The following RAB3GAP2 variants were observed in gnomAD, a reference collection of about 807,000 sequenced individuals.
RAB3GAP2 encodes the protein rab3 GTPase-activating protein non-catalytic subunit.
RAB3GAP2 carries 87 observed loss-of-function variants against 185.3 expected under a neutral mutation model. That is an observed-to-expected ratio of 0.47 (90% CI 0.39 to 0.56). The LOEUF (loss-of-function observed/expected upper bound fraction) is 0.56, where lower values mean the gene tolerates loss of function less well. Among genes scored for constraint, RAB3GAP2 ranks in the 20% least tolerant of loss-of-function variants. RAB3GAP2 has a pLI of 0.00. For synonymous variants in RAB3GAP2, 554 were observed against 576.1 expected, an observed-to-expected ratio of 0.96 and a Z score of 0.55; for missense variants, 1,492 against 1,638.2, an observed-to-expected ratio of 0.91 and a Z score of 1.54.
intron 24 of RAB3GAP2, among the ~76,000 whole-genome samples, chr1:220,168,482 C>T (rs1658113239): frequency 6.6e-6 from 1 of 151,964 alleles, no homozygotes. Flanking sequence ...ACTGCACCCT[C>T]TGCCTCCCAG....
intron 1 of RAB3GAP2, among the ~76,000 whole-genome samples, chr1:220,239,062 A>C (rs1305531093): frequency 6.6e-6 from 1 of 152,244 alleles, no homozygotes; most frequent in Non-Finnish European, 1.5e-5. Context: ...CCATAAAAGC[A>C]GCTGTATTTA....
In RAB3GAP2 at chr1:220,157,416, G is replaced by A. The variant is rs1657877245; in HGVS notation, c.3409C>T (p.Pro1137Ser). The change falls in exon 31 of 35, where the codon CCA (proline) becomes TCA (serine). Residue 1137 changes from proline (P) to serine (S), a missense_variant. Transcript: ENST00000358951. Reference protein sequence around the residue: ...TEDAWLSVEGPISIVELALEQ... With the variant: ...TEDAWLSVEGSISIVELALEQ... ...AGGGCCAGTTCCACTATGGAGATTG[G>A]TCCTTCCACGGAGAGCCACGCATCC... The A allele has an allele frequency of 6.2e-7, 1 of 1,613,894 alleles. No homozygotes were observed.
At chr1:220,230,895 G>A (rs1264824218) in intron 2 of RAB3GAP2, among the ~76,000 whole-genome samples, 1 of 152,014 alleles carries the variant, frequency 6.6e-6, no homozygotes, top group African/African-American at 2.4e-5. Flanking sequence ...CCAGCTCACT[G>A]GAAAGTCTTA....
At chr1:220,248,630 T>A (rs1242175679) in intron 1 of RAB3GAP2, among the ~76,000 whole-genome samples, 1 of 150,756 alleles carries the variant, frequency 6.6e-6, no homozygotes, top group East Asian at 1.9e-4. Context: ...TTTTTTTGGA[T>A]AATTCTAAAG....
intron 28 of RAB3GAP2, 84 bp from the exon 29 acceptor site, chr1:220,159,505 GAATTTAAA>G (rs1657922679): frequency 9.3e-7 from 1 of 1,072,478 alleles, no homozygotes; most frequent in South Asian, 1.4e-5. Flanking sequence ...AAAAGTAACC[GAATTTAAA>G]AACCGTAAAT....
intron 26 of RAB3GAP2, among the ~76,000 whole-genome samples, chr1:220,165,447 A>G (rs1658045972): frequency 6.6e-6 from 1 of 152,106 alleles, no homozygotes; most frequent in South Asian, 2.1e-4. Flanking sequence ...AATACAGTAT[A>G]CAACACTGAT....
Position 220,164,767 on chromosome 1 carries a change from G to C in RAB3GAP2, c.3120C>G (p.His1040Gln). 6.2e-7 allele frequency: 1 copy of C among 1,608,724 alleles called. No homozygotes were observed. Among genetic ancestry groups the C allele is most frequent in the Non-Finnish European group, 8.5e-7 (1 of 1,176,716 alleles). Residue 1040 changes from histidine (H) to glutamine (Q), a missense_variant, in exon 27 of 35, where the codon CAC (histidine) becomes CAG (glutamine). Around this residue, in one of 5 missense-constraint regions of RAB3GAP2, gnomAD observed 387 missense variants for 455.3 expected, o/e 0.85. Transcript: ENST00000358951. ...EARFFVRSIE[H>Q]LKQIFNAHVQ... Reference sequence around the variant, plus strand: ...CATGTGCATTAAATATTTGCTTCAAGTGTTCTATTGACCTAACAAAAAAAC... The same window carrying C: ...CATGTGCATTAAATATTTGCTTCAACTGTTCTATTGACCTAACAAAAAAAC...
chr1:220,156,163 C>T (rs1470800561), intron 31 of RAB3GAP2, among the ~76,000 whole-genome samples: 2 of 152,060 alleles, frequency 1.3e-5, no homozygotes, highest in Non-Finnish European at 2.9e-5. Flanking sequence ...GTTGGCCAGG[C>T]TGGTCTCAAA....
intron 15 of RAB3GAP2, 63 bp downstream of exon 15, chr1:220,190,314 A>C: frequency 2.5e-6 from 4 of 1,606,404 alleles, no homozygotes; most frequent in Non-Finnish European, 3.4e-6. Context: ...AGAGTACAAC[A>C]AACCTAGGAA....
Position 220,190,079 on chromosome 1 carries a change from T to C in RAB3GAP2, c.1699A>G (p.Lys567Glu), listed in dbSNP as rs1440166278. Residue 567 changes from lysine to glutamate, a missense_variant, in exon 16 of 35, where the codon AAA (lysine) becomes GAA (glutamate). Transcript: ENST00000358951. ...GAATACCTACCAAGATTGGGAGATT[T>C]TGTTTTCAGTAAGGCTGCTAGTTTC... ...VKKLAALLKTKSPNLDLVETE... is the reference protein window; with the variant it reads ...VKKLAALLKTESPNLDLVETE... 1 of 1,611,928 alleles carries C rather than the reference T, an allele frequency of 6.2e-7. No homozygotes were observed. Among genetic ancestry groups the C allele is most frequent in the African/African-American group, 1.3e-5 (1 of 74,868 alleles).
At chr1:220,272,153 G>A in intron 1 of RAB3GAP2, 70 bp downstream of exon 1, 2 of 1,305,462 alleles carry the variant, frequency 1.5e-6, no homozygotes, top group Non-Finnish European at 2.2e-6. Flanking sequence ...GAGCGAGTAG[G>A]AGACTCGAAC....
At position 220,272,270 on chromosome 1, in the gene RAB3GAP2, G is replaced by C. The variant is rs780783101; in HGVS notation, c.68C>G (p.Pro23Arg). 2 of 1,612,296 alleles carry C rather than the reference G, an allele frequency of 1.2e-6. No homozygotes were observed. Among genetic ancestry groups the C allele is most frequent in the Non-Finnish European group, 8.5e-7 (1 of 1,179,636 alleles). Residue 23 changes from proline (P) to arginine (R), a missense_variant, in exon 1 of 35, where the codon CCT becomes CGT. Transcript: ENST00000358951. The stretch of plus-strand genomic sequence containing the variant: ...GCTGAGGATCTCCTCCCGCAGGTGA[G>C]GAAAGAGGAAGTCCCGGGCGGCCTG... ...DLQAARDFLF[P>R]HLREEILSGA...
intron 12 of RAB3GAP2, 102 bp from the exon 13 acceptor site, chr1:220,193,481 A>G (rs929596529): frequency 2.7e-6 from 3 of 1,109,870 alleles, no homozygotes; most frequent in African/African-American, 1.6e-5. Context: ...ATCTGTTTTT[A>G]TATAAAGAAA....
chr1:220,266,629 A>C, intron 1 of RAB3GAP2: 3 of 1,296,282 alleles, frequency 2.3e-6, no homozygotes, highest in Non-Finnish European at 3.3e-6. Context: ...TCAATGGTAA[A>C]ATAAATTTTG....
intron 4 of RAB3GAP2, among the ~76,000 whole-genome samples, chr1:220,212,673 T>G (rs1487911749): frequency 6.6e-6 from 1 of 152,114 alleles, no homozygotes; most frequent in African/African-American, 2.4e-5. Flanking sequence ...TTAAATTTTT[T>G]GTAAAGACAG....
intron 21 of RAB3GAP2, among the ~76,000 whole-genome samples, chr1:220,178,466 A>T (rs1658337321): frequency 6.6e-6 from 1 of 152,234 alleles, no homozygotes; most frequent in Admixed American, 6.5e-5. Flanking sequence ...ATAACATAAA[A>T]TGATGACATC....
At chr1:220,263,731 CTTGTT>C (rs772286389) in intron 1 of RAB3GAP2, among the ~76,000 whole-genome samples, 9 of 152,024 alleles carry the variant, frequency 5.9e-5, no homozygotes, top group Non-Finnish European at 1.0e-4. Context: ...AATCTTCTAA[CTTGTT>C]TCTTCTTTTC....
At chr1:220,162,302 TTATA>T (rs746466912) in intron 27 of RAB3GAP2, 34 bp from the exon 28 acceptor site, 7 of 1,388,032 alleles carry the variant, frequency 5.0e-6, no homozygotes, top group South Asian at 1.2e-5. Flanking sequence ...AATAGAATGC[TTATA>T]TAGTCTCACT....
intron 1 of RAB3GAP2, among the ~76,000 whole-genome samples, chr1:220,256,561 A>G (rs926956436): frequency 6.6e-6 from 1 of 152,262 alleles, no homozygotes; most frequent in African/African-American, 2.4e-5. Flanking sequence ...AAGCAAATGG[A>G]AAACAGAATA....
Sources: allele counts gnomAD v4.1 joint callset (sites outside exome capture counted in the v4.1 genomes callset), GRCh38; gene constraint gnomAD v4.1.1; regional missense constraint gnomAD v4.1.1; transcripts MANE v1.5; gene names NCBI Gene and HGNC (gene_info 2026-07-23, HGNC 2026-07-21).